Variants in XKR6 observed in about 807,000 individuals in gnomAD.
XKR6 encodes the protein XK related 6.
XKR6 carries 22 observed loss-of-function variants against 56.7 expected under a neutral mutation model. The ratio of observed to expected loss-of-function variants is 0.39; its 90% CI spans 0.28 to 0.55. The LOEUF (loss-of-function observed/expected upper bound fraction) is 0.55, where lower values mean the gene tolerates loss of function less well. XKR6 is among the 20% of genes least tolerant of loss of function. XKR6 has a pLI of 0.66. For missense variants in XKR6, 852 were observed against 889.0 expected, an observed-to-expected ratio of 0.96 and a Z score of 0.53; for synonymous variants, 524 against 387.8, an observed-to-expected ratio of 1.35 and a Z score of -4.13.
chr8:10,947,486 G>A (rs1330803656), intron 1 of XKR6, among the ~76,000 whole-genome samples: 1 of 152,140 alleles, frequency 6.6e-6, no homozygotes, highest in Non-Finnish European at 1.5e-5. Flanking sequence ...AGCCCAGGAT[G>A]GAGCCCTGAA....
rs116631108 is a variant in XKR6, at chr8:11,043,271, G to C, written c.765-118441C>G. Reference sequence around the variant, plus strand: ...AGCGTGAGCACTCAAACACTGGTGAGGATGCGAGGTGGGGTGTTGGGAGTG... The same window carrying C: ...AGCGTGAGCACTCAAACACTGGTGACGATGCGAGGTGGGGTGTTGGGAGTG... On this transcript the variant is annotated intron_variant, in intron 1 of 2. Coordinates refer to ENST00000416569, the MANE Select transcript of XKR6 (RefSeq NM_173683.4). Among the ~76,000 whole-genome samples the C allele has an allele frequency of 3.6e-3, 555 of 152,226 alleles. 2 individuals carry two copies. The highest frequency in any genetic ancestry group is 0.013 in the African/African-American group (520 of 41,520).
intron 1 of XKR6, among the ~76,000 whole-genome samples, chr8:11,041,833 T>C (rs1262161041): frequency 2.0e-5 from 3 of 152,204 alleles, no homozygotes; most frequent in Non-Finnish European, 4.4e-5. Flanking sequence ...GTCTAATACA[T>C]TGATACAGTT....
At chr8:11,009,097 G>C (rs1003813345) in intron 1 of XKR6, among the ~76,000 whole-genome samples, 4 of 135,752 alleles carry the variant, frequency 2.9e-5, no homozygotes, top group Non-Finnish European at 6.3e-5. Context: ...GGGGAGGGGG[G>C]TGGGAGGTCC....
intron 1 of XKR6, among the ~76,000 whole-genome samples, chr8:11,051,771 A>G (rs1209067424): frequency 6.6e-6 from 1 of 152,168 alleles, no homozygotes; most frequent in Non-Finnish European, 1.5e-5. Context: ...GCAGCCCTCC[A>G]GTGCTGAAAG....
At chr8:11,005,627 T>C (rs1054334196) in intron 1 of XKR6, among the ~76,000 whole-genome samples, 1 of 152,102 alleles carries the variant, frequency 6.6e-6, no homozygotes, top group African/African-American at 2.4e-5. Flanking sequence ...AACATGCAAA[T>C]ATGGTACGAT....
intron 1 of XKR6, among the ~76,000 whole-genome samples, chr8:11,094,036 G>A (rs1179943392): frequency 4.7e-5 from 7 of 148,816 alleles, no homozygotes; most frequent in Non-Finnish European, 8.9e-5. Flanking sequence ...CACCCGCCTC[G>A]GCCTCCCAAA....
At chr8:10,940,589 C>T (rs1801359123) in intron 1 of XKR6, among the ~76,000 whole-genome samples, 1 of 152,222 alleles carries the variant, frequency 6.6e-6, no homozygotes, top group East Asian at 1.9e-4. Context: ...CTGCAGACGG[C>T]TGGTCCGGGA....
chr8:11,140,055 A>G (rs1052614698), intron 1 of XKR6, among the ~76,000 whole-genome samples: 1 of 152,172 alleles, frequency 6.6e-6, no homozygotes, highest in Non-Finnish European at 1.5e-5. Flanking sequence ...TAAAGATTAT[A>G]TGGAAGACAA....
intron 1 of XKR6, among the ~76,000 whole-genome samples, chr8:11,120,256 G>A (rs1287255862): frequency 6.6e-6 from 1 of 152,178 alleles, no homozygotes; most frequent in Non-Finnish European, 1.5e-5. Flanking sequence ...GTCCCTGTTT[G>A]CAGATGACAT....
intron 2 of XKR6, among the ~76,000 whole-genome samples, chr8:10,913,792 G>A (rs780723614): frequency 2.0e-5 from 3 of 152,214 alleles, no homozygotes; most frequent in East Asian, 1.9e-4. Flanking sequence ...AGAGGTTCCC[G>A]ATAAGCAGAG....
At chr8:11,182,548 G>A (rs1021671405) in intron 1 of XKR6, among the ~76,000 whole-genome samples, 4 of 152,196 alleles carry the variant, frequency 2.6e-5, no homozygotes, top group African/African-American at 9.7e-5. Context: ...AAGTCAGATG[G>A]GTCACCTGTG....
At chr8:10,982,737 T>C (rs1797763031) in intron 1 of XKR6, among the ~76,000 whole-genome samples, 1 of 152,180 alleles carries the variant, frequency 6.6e-6, no homozygotes, top group African/African-American at 2.4e-5. Context: ...TTCTCTAAGA[T>C]TCTAGATGCT....
At chr8:11,088,025 G>A (rs932947580) in intron 1 of XKR6, among the ~76,000 whole-genome samples, 5 of 152,302 alleles carry the variant, frequency 3.3e-5, no homozygotes, top group African/African-American at 1.2e-4. Flanking sequence ...ATTGAAAATT[G>A]TTTTCCAGGA....
chr8:10,951,090 C>A (rs946525321), intron 1 of XKR6, among the ~76,000 whole-genome samples: 3 of 152,200 alleles, frequency 2.0e-5, no homozygotes, highest in Non-Finnish European at 4.4e-5. Flanking sequence ...CCATCCACGA[C>A]CCCAGGGCTG....
chr8:11,033,272 C>T lies in XKR6; in HGVS notation c.765-108442G>A, dbSNP rs147947552. Among the ~76,000 whole-genome samples, 51 of 95,998 alleles carry T rather than the reference C, an allele frequency of 5.3e-4. 1 individual carries two copies. The South Asian group carries it at 9.2e-3, about 17-fold the overall frequency. The allele number at this position is 95,998 out of a possible 152,430, so 63.0% of individuals were successfully genotyped here. On this transcript the variant is annotated intron_variant, in intron 1 of 2. Coordinates refer to ENST00000416569, the MANE Select transcript of XKR6 (RefSeq NM_173683.4). Reference sequence around the variant, plus strand: ...GTGGAGATGCTAATGATGATGATGGCGATGATGACGATAGTGATGGTGATG... The same window carrying T: ...GTGGAGATGCTAATGATGATGATGGTGATGATGACGATAGTGATGGTGATG...
chr8:11,076,853 G>A (rs928254607), intron 1 of XKR6, among the ~76,000 whole-genome samples: 3 of 152,188 alleles, frequency 2.0e-5, no homozygotes, highest in African/African-American at 7.2e-5. Flanking sequence ...GCCTTTACAA[G>A]TAATAGTTTG....
chr8:11,164,932 C>T (rs1801994634), intron 1 of XKR6, among the ~76,000 whole-genome samples: 1 of 152,116 alleles, frequency 6.6e-6, no homozygotes, highest in African/African-American at 2.4e-5. Context: ...CCTACCTTCC[C>T]ACTTCACCTT....
chr8:10,947,488 A>G (rs1410174758), intron 1 of XKR6, among the ~76,000 whole-genome samples: 1 of 152,102 alleles, frequency 6.6e-6, no homozygotes, highest in Non-Finnish European at 1.5e-5. Context: ...CCCAGGATGG[A>G]GCCCTGAAAA....
intron 1 of XKR6, among the ~76,000 whole-genome samples, chr8:10,956,666 G>C (rs1586353488): frequency 7.0e-6 from 1 of 143,204 alleles, no homozygotes; most frequent in Non-Finnish European, 1.5e-5. Flanking sequence ...GCCTTTAGGA[G>C]AACAGCGGAT....
Sources: gnomAD v4.1 joint callset for allele counts (sites outside exome capture counted in the v4.1 genomes callset) on GRCh38, gnomAD v4.1.1 for gene constraint, MANE v1.5 for transcripts, NCBI Gene and HGNC (gene_info 2026-07-23, HGNC 2026-07-21) for gene names.